The following PRIM2 variants were observed in gnomAD, a reference collection of about 807,000 sequenced individuals.
PRIM2 encodes DNA primase subunit 2, also known as DNA primase large subunit.
In PRIM2, 39 loss-of-function variants were observed where a neutral mutation model predicts 67.3. The ratio of observed to expected loss-of-function variants is 0.58; its 90% CI spans 0.45 to 0.76. PRIM2 has a LOEUF of 0.76. Among genes scored for constraint, PRIM2 ranks in the 30% least tolerant of loss-of-function variants. PRIM2 has a pLI of 0.00. For missense variants in PRIM2, 398 were observed against 598.7 expected (o/e 0.66, Z 3.50); for synonymous variants, 143 against 198.7 (o/e 0.72, Z 2.36).
chr6:57,251,222 G>A, the PRIM2 span, among the ~76,000 whole-genome samples: 1 of 152,042 alleles, frequency 6.6e-6, no homozygotes, highest in Non-Finnish European at 1.5e-5. Flanking sequence ...ATATAGACAA[G>A]ATTTTTAAAA....
the PRIM2 span, among the ~76,000 whole-genome samples, chr6:57,247,623 C>T: frequency 1.4e-4 from 21 of 152,130 alleles, no homozygotes; most frequent in East Asian, 7.7e-4. Flanking sequence ...CAAATGTTCT[C>T]TATGTGGTTG....
chr6:57,637,422 G>C (rs1777140862), intron 13 of PRIM2, among the ~76,000 whole-genome samples: 1 of 152,152 alleles, frequency 6.6e-6, no homozygotes, highest in Admixed American at 6.5e-5. Context: ...CAAATTGCCA[G>C]AAGTAGGCTT....
the PRIM2 span, among the ~76,000 whole-genome samples, chr6:57,268,412 C>T: frequency 1.3e-5 from 2 of 151,994 alleles, no homozygotes. Flanking sequence ...ACTAATATGG[C>T]TTTTAAAATA....
chr6:57,515,129 A>G (rs1774455729), intron 8 of PRIM2, among the ~76,000 whole-genome samples: 1 of 152,144 alleles, frequency 6.6e-6, no homozygotes, highest in South Asian at 2.1e-4. Context: ...ATTTTCACTT[A>G]ATATAACTAG....
At chr6:57,621,243 A>C (rs1582024576) in intron 12 of PRIM2, among the ~76,000 whole-genome samples, 1 of 152,200 alleles carries the variant, frequency 6.6e-6, no homozygotes, top group Admixed American at 6.5e-5. Context: ...CAGTCTTCAC[A>C]TTGCAGAAGG....
At chr6:57,429,246 A>G (rs1771740205) in intron 7 of PRIM2, among the ~76,000 whole-genome samples, 1 of 152,234 alleles carries the variant, frequency 6.6e-6, no homozygotes, top group Non-Finnish European at 1.5e-5. Flanking sequence ...GTGGATATTT[A>G]TAGCCAAGGA....
intron 7 of PRIM2, among the ~76,000 whole-genome samples, chr6:57,495,001 CTTG>C (rs1186235006): frequency 1.3e-5 from 2 of 150,190 alleles, no homozygotes; most frequent in African/African-American, 2.5e-5. Flanking sequence ...ATTTACTTTT[CTTG>C]TTCTGTTTTG....
At chr6:57,482,495 T>C (rs1773652683) in intron 7 of PRIM2, among the ~76,000 whole-genome samples, 1 of 152,132 alleles carries the variant, frequency 6.6e-6, no homozygotes, top group African/African-American at 2.4e-5. Flanking sequence ...AGAAGAAAGG[T>C]GCTGAGGGCA....
intron 8 of PRIM2, among the ~76,000 whole-genome samples, chr6:57,519,047 A>C (rs1214072195): frequency 6.6e-6 from 1 of 152,202 alleles, no homozygotes; most frequent in African/African-American, 2.4e-5. Context: ...GATGCCCCAC[A>C]AGCCACAAAA....
chr6:57,304,842 A>G, the PRIM2 span, among the ~76,000 whole-genome samples: 1 of 152,068 alleles, frequency 6.6e-6, no homozygotes, highest in South Asian at 2.1e-4. Flanking sequence ...AAAATAATTA[A>G]CCTCGTAGGA....
chr6:57,645,856 A>T, intron 13 of PRIM2, 72 bp from the exon 14 acceptor site: 1 of 816,472 alleles, frequency 1.2e-6, no homozygotes, highest in Non-Finnish European at 2.0e-6. Flanking sequence ...CAAGTACTAA[A>T]ACAGCTTTTG....
chr6:57,610,151 C>A (rs1427259243), intron 12 of PRIM2, among the ~76,000 whole-genome samples: 83 of 152,274 alleles, frequency 5.5e-4, no homozygotes, highest in Non-Finnish European at 1.1e-3. Flanking sequence ...TCACTGCAAC[C>A]TCCACCTGCC....
the PRIM2 span, among the ~76,000 whole-genome samples, chr6:57,291,736 C>A: frequency 4.4e-3 from 664 of 152,082 alleles, 10 homozygotes; most frequent in African/African-American, 0.015. Context: ...ACAGAACCAA[C>A]GACAAAAACC....
chr6:57,320,753 C>T (rs1767628584), intron 3 of PRIM2, among the ~76,000 whole-genome samples, 193 bp downstream of exon 3: 1 of 152,140 alleles, frequency 6.6e-6, no homozygotes. Context: ...GGTTTCTCAA[C>T]CTCAGGACTA....
At chr6:57,285,353 C>A in the PRIM2 span, among the ~76,000 whole-genome samples, 1 of 152,174 alleles carries the variant, frequency 6.6e-6, no homozygotes. Context: ...TCCAGATGAA[C>A]ACTGATGCGA....
intron 5 of PRIM2, among the ~76,000 whole-genome samples, chr6:57,343,771 A>G (rs545049972): frequency 1.3e-5 from 2 of 152,262 alleles, no homozygotes; most frequent in African/African-American, 4.8e-5. Flanking sequence ...AAAATTATTC[A>G]TGTCATTTGT....
the PRIM2 span, among the ~76,000 whole-genome samples, chr6:57,247,636 C>T: frequency 1.3e-5 from 2 of 152,102 alleles, no homozygotes; most frequent in Non-Finnish European, 2.9e-5. Flanking sequence ...TGTGGTTGCT[C>T]TGTGTGAGGA....
At chr6:57,436,128 G>C (rs1772004685) in intron 7 of PRIM2, among the ~76,000 whole-genome samples, 1 of 151,826 alleles carries the variant, frequency 6.6e-6, no homozygotes, top group East Asian at 1.9e-4. Context: ...TCTCTTCCTT[G>C]GATTCATTCC....
chr6:57,520,216 A>C (rs1371472623), intron 8 of PRIM2, among the ~76,000 whole-genome samples: 1 of 152,328 alleles, frequency 6.6e-6, no homozygotes, highest in South Asian at 2.1e-4. Context: ...AACAAATGTG[A>C]GGGGATAATC....
Sources: allele counts gnomAD v4.1 joint callset (sites outside exome capture counted in the v4.1 genomes callset), GRCh38; gene constraint gnomAD v4.1.1; transcripts MANE v1.5; gene names NCBI Gene and HGNC (gene_info 2026-07-23, HGNC 2026-07-21).